Variants in BICDL1 observed in about 807,000 individuals in gnomAD.
BICDL1 encodes the protein BICD family-like cargo adapter 1.
A neutral mutation model predicts 76.8 loss-of-function variants in BICDL1; 20 were observed. The ratio of observed to expected loss-of-function variants is 0.26; its 90% CI spans 0.18 to 0.38. The LOEUF is 0.38. Among genes scored for constraint, BICDL1 ranks in the 10% least tolerant of loss-of-function variants. BICDL1 has a pLI of 1.00. For synonymous variants in BICDL1, 383 were observed against 337.1 expected (o/e 1.14, Z -1.49); for missense variants, 700 against 798.6 (o/e 0.88, Z 1.49).
intron 2 of BICDL1, among the ~76,000 whole-genome samples, chr12:120,044,932 A>G (rs1173807299): frequency 6.6e-6 from 1 of 152,134 alleles, no homozygotes; most frequent in East Asian, 1.9e-4. Flanking sequence ...AGTTTTTTCC[A>G]ATTCTGTGAA....
At chr12:120,092,412 A>G (rs572943837) in intron 9 of BICDL1, 2 of 985,446 alleles carry the variant, frequency 2.0e-6, no homozygotes, top group East Asian at 1.1e-4. Flanking sequence ...TCTGCCGCAG[A>G]TGGGAGCCTC....
At chr12:120,019,285 T>A (rs915681174) in intron 2 of BICDL1, 1 of 152,176 alleles carries the variant, frequency 6.6e-6, no homozygotes, top group African/African-American at 2.4e-5. Context: ...TCTATCTGGC[T>A]TAGTGAATTG....
At chr12:120,092,631 A>G in intron 9 of BICDL1, 4 of 985,448 alleles carry the variant, frequency 4.1e-6, no homozygotes, top group Non-Finnish European at 4.8e-6. Flanking sequence ...CGGAGGCACC[A>G]GCCAGGCCCA....
At chr12:120,003,522 G>A (rs1481500552) in intron 2 of BICDL1, among the ~76,000 whole-genome samples, 3 of 152,178 alleles carry the variant, frequency 2.0e-5, no homozygotes, top group East Asian at 1.9e-4. Context: ...CTTACACTGC[G>A]TGTATGCTGT....
intron 8 of BICDL1, among the ~76,000 whole-genome samples, chr12:120,089,368 C>G (rs527273460): frequency 6.6e-6 from 1 of 150,478 alleles, no homozygotes; most frequent in African/African-American, 2.5e-5. Flanking sequence ...GAGTTCTGCT[C>G]TTTCAACGTG....
At chr12:120,038,700 A>G (rs1952573352) in intron 2 of BICDL1, among the ~76,000 whole-genome samples, 1 of 152,120 alleles carries the variant, frequency 6.6e-6, no homozygotes, top group Non-Finnish European at 1.5e-5. Context: ...TCCTTTGAGG[A>G]GTCCATAGTT....
intron 2 of BICDL1, among the ~76,000 whole-genome samples, chr12:120,059,132 G>T (rs1953048427): frequency 6.6e-6 from 1 of 151,462 alleles, no homozygotes; most frequent in Non-Finnish European, 1.5e-5. Flanking sequence ...GTCTTGCTCT[G>T]TTGCCCAGGC....
chr12:119,995,198 A>G (rs78772020), intron 1 of BICDL1, among the ~76,000 whole-genome samples: 3,529 of 152,302 alleles, frequency 0.023, 146 homozygotes, highest in African/African-American at 0.081. Context: ...GTCTCCCTAG[A>G]GTTTTCTGGT....
Position 119,994,355 on chromosome 12 carries a change from A to G in BICDL1, c.429+4058A>G, listed in dbSNP as rs374764116. Among the ~76,000 whole-genome samples the G allele has an allele frequency of 3.4e-4, 51 of 150,470 alleles. No homozygotes were observed. The South Asian group carries it at 9.8e-3, about 29-fold the overall frequency. ...TAAAGAACAGTACTTTTTCAGAACCATGTACTGGACTTCTGAGCATATTGT... is the reference window on the plus strand; with the variant it reads ...TAAAGAACAGTACTTTTTCAGAACCGTGTACTGGACTTCTGAGCATATTGT... On this transcript the variant is annotated intron_variant, in intron 1 of 9. Transcript: ENST00000548673.
At chr12:120,040,408 T>G (rs2138804225) in intron 2 of BICDL1, among the ~76,000 whole-genome samples, 1 of 151,998 alleles carries the variant, frequency 6.6e-6, no homozygotes, top group South Asian at 2.1e-4. Context: ...TTCTTTTCTT[T>G]CTTTTCTTTT....
Position 120,078,412 on chromosome 12 carries a change from C to T in BICDL1, c.1453-2475C>T, listed in dbSNP as rs552794091. ...GAATGTTTTCTTTGCTATTTAATTG[C>T]GGGGACACCCACCTTATTTGGGAAA... On this transcript the variant is annotated intron_variant, in intron 7 of 9. Transcript: ENST00000548673. Among the ~76,000 whole-genome samples, 6 of 152,278 alleles carry T rather than the reference C, an allele frequency of 3.9e-5. No homozygotes were observed. The South Asian group carries it at 6.2e-4, about 16-fold the overall frequency.
At chr12:120,089,777 T>C (rs1047473159) in intron 8 of BICDL1, among the ~76,000 whole-genome samples, 174 bp from the exon 9 acceptor site, 1 of 152,236 alleles carries the variant, frequency 6.6e-6, no homozygotes, top group African/African-American at 2.4e-5. Flanking sequence ...TGTGAAAACA[T>C]GTTGCAAACT....
chr12:120,086,708 G>C (rs1874444079), intron 8 of BICDL1, among the ~76,000 whole-genome samples: 1 of 152,182 alleles, frequency 6.6e-6, no homozygotes, highest in Non-Finnish European at 1.5e-5. Flanking sequence ...AATAAATCTT[G>C]GGCTAGCAAT....
In BICDL1 at chr12:120,012,651, AATAG is replaced by A. The variant is rs373170629; in HGVS notation, c.645+13919_645+13922del. 1.1e-4 allele frequency among the ~76,000 whole-genome samples: 16 copies of A among 152,334 alleles called. No homozygotes were observed. The East Asian group carries it at 1.3e-3, about 13-fold the overall frequency. On this transcript the variant is annotated intron_variant, in intron 2 of 9. Transcript: ENST00000548673. The stretch of plus-strand genomic sequence containing the variant: ...TTTACATTAATGATAAGATCTAAGT[AATAG>A]ATATCAATTCTATGTGTTCTCATAT...
chr12:120,003,541 C>G (rs1951799212), intron 2 of BICDL1, among the ~76,000 whole-genome samples: 1 of 152,196 alleles, frequency 6.6e-6, no homozygotes, highest in Admixed American at 6.5e-5. Context: ...GTTTGAAAAC[C>G]AGTTGTCAAA....
chr12:120,013,054 TA>T (rs1951984677), intron 2 of BICDL1, among the ~76,000 whole-genome samples: 1 of 152,212 alleles, frequency 6.6e-6, no homozygotes, highest in African/African-American at 2.4e-5. Flanking sequence ...CTCATGCCTG[TA>T]ATCCCAGCAC....
At chr12:120,046,137 C>G (rs1952746313) in intron 2 of BICDL1, among the ~76,000 whole-genome samples, 1 of 152,084 alleles carries the variant, frequency 6.6e-6, no homozygotes, top group Non-Finnish European at 1.5e-5. Context: ...CCTTTCAAGT[C>G]CTCTCTGTTA....
intron 2 of BICDL1, among the ~76,000 whole-genome samples, chr12:120,005,413 G>A (rs1951831862): frequency 6.6e-6 from 1 of 152,146 alleles, no homozygotes; most frequent in African/African-American, 2.4e-5. Flanking sequence ...CTCCCAGAGT[G>A]CGGTGGCTGG....
At chr12:120,027,696 T>C (rs1433358320) in intron 2 of BICDL1, among the ~76,000 whole-genome samples, 9 of 152,240 alleles carry the variant, frequency 5.9e-5, no homozygotes, top group Admixed American at 5.9e-4. Context: ...CAGGTGATGA[T>C]GAAAATATGA....
Sources: gnomAD v4.1 joint callset for allele counts (sites outside exome capture counted in the v4.1 genomes callset) on GRCh38, gnomAD v4.1.1 for gene constraint, MANE v1.5 for transcripts, NCBI Gene and HGNC (gene_info 2026-07-23, HGNC 2026-07-21) for gene names.